The following SFTPA1 variants were observed in gnomAD, a reference collection of about 807,000 sequenced individuals.
SFTPA1 encodes surfactant protein A1, also known as pulmonary surfactant-associated protein A1.
A neutral mutation model predicts 19.1 loss-of-function variants in SFTPA1; 13 were observed. The ratio of observed to expected loss-of-function variants is 0.68; its 90% CI spans 0.44 to 1.08. The LOEUF is 1.08. Ranked by LOEUF, SFTPA1 falls within the 50% of genes least tolerant of loss-of-function variation. The pLI, the probability that SFTPA1 is intolerant of heterozygous loss-of-function variation, is 0.00. For synonymous variants in SFTPA1, 101 were observed against 117.0 expected (o/e 0.86, Z 0.88); for missense variants, 259 against 316.4 (o/e 0.82, Z 1.38).
chr10:79,614,395 T>G lies in SFTPA1; in HGVS notation c.*282T>G. On this transcript the variant is annotated 3_prime_UTR_variant, in exon 6 of 6. Transcript: ENST00000398636. The stretch of plus-strand genomic sequence containing the variant: ...TCGACATGAGATGGAGCCCTCCTTA[T>G]TCCCCATCTGGTCCAGTTCCTTCAC... 7.6e-6 allele frequency: 4 copies of G among 527,192 alleles called. No individual in the cohort carries two copies. The highest frequency in any genetic ancestry group is 6.8e-5 in the East Asian group (2 of 29,500). 32.7% of individuals were successfully genotyped at this position (527,192 alleles called of 1,614,324 possible).
chr10:79,611,992 C>T lies in SFTPA1; in HGVS notation c.167C>T (p.Pro56Leu). ...GATGGTCTCAAAGGAGACCCTGGCC[C>T]TCCAGGTACTGTGCTGCAGACCCCA... The part of the protein sequence containing the change: ...GRDGLKGDPG[P>L]PGPMGPPGEM... Residue 56 changes from proline (P) to leucine (L), a missense_variant, in exon 3 of 6, where the codon CCT becomes CTT. Pro to Leu is a moderately conservative substitution (Grantham distance 98, BLOSUM62 -3). Transcript: ENST00000398636. 6.2e-7 allele frequency: 1 copy of T among 1,613,222 alleles called. No individual in the cohort carries two copies. The highest frequency in any genetic ancestry group is 8.5e-7 in the Non-Finnish European group (1 of 1,179,460).
rs546854035 is a variant in SFTPA1 at position 79,615,307 on chromosome 10, A to C, written c.*1194A>C. 1.2e-4 allele frequency: 36 copies of C among 311,988 alleles called. No homozygotes were observed. Among genetic ancestry groups the C allele is most frequent in the Admixed American group, 4.8e-4 (10 of 20,914 alleles). 19.3% of individuals were successfully genotyped at this position (311,988 alleles called of 1,614,324 possible). ...AAGCTTGGAGGAGTTAAATGTTTTG[A>C]GTATTATTCCAGAGAGCAAGTGGCA... On this transcript the variant is annotated 3_prime_UTR_variant, in exon 6 of 6. Transcript: ENST00000398636.
At chr10:79,613,040 T>G (rs1610803) in intron 4 of SFTPA1, 149 bp from the exon 5 acceptor site, 2 of 1,513,540 alleles carry the variant, frequency 1.3e-6, no homozygotes, top group Non-Finnish European at 1.8e-6. Flanking sequence ...ACTGGAATCT[T>G]GTGGACCCTC....
chr10:79,610,954 A>G lies in SFTPA1; in HGVS notation c.-123A>G, dbSNP rs914884042. Reference sequence around the variant, plus strand: ...CTTACCCTCTGACTTGGAGGCAGAGACCCAAGCAGCTGGAGGCTCTGTGTG... The same window carrying G: ...CTTACCCTCTGACTTGGAGGCAGAGGCCCAAGCAGCTGGAGGCTCTGTGTG... On this transcript the variant is annotated 5_prime_UTR_variant, in exon 1 of 6. Transcript: ENST00000398636. The G allele has an allele frequency of 6.6e-6, 1 of 152,340 alleles. No homozygotes were observed. The highest frequency in any genetic ancestry group is 2.4e-5 in the African/African-American group (1 of 41,444). 9.4% of individuals were successfully genotyped at this position (152,340 alleles called of 1,614,324 possible).
rs1308252898 is a variant in SFTPA1 at position 79,612,293 on chromosome 10, A to G, written c.173-19A>G. ...TGTGGGTGACAGATCCTACACATCCATGTCTCTTTTCTCTGCAGGCCCCAT... is the reference window on the plus strand; with the variant it reads ...TGTGGGTGACAGATCCTACACATCCGTGTCTCTTTTCTCTGCAGGCCCCAT... On this transcript the variant is annotated intron_variant, in intron 3 of 5. Coordinates refer to ENST00000398636, the MANE Select transcript of SFTPA1 (RefSeq NM_005411.5). 2 of 1,613,702 alleles carry G rather than the reference A, an allele frequency of 1.2e-6. No homozygotes were observed. The highest frequency in any genetic ancestry group is 1.7e-6 in the Non-Finnish European group (2 of 1,179,800).
Position 79,615,204 on chromosome 10 carries a change from C to T in SFTPA1, c.*1091C>T, listed in dbSNP as rs1860093628. On this transcript the variant is annotated 3_prime_UTR_variant, in exon 6 of 6. Coordinates refer to ENST00000398636, the MANE Select transcript of SFTPA1 (RefSeq NM_005411.5). ...AGAACCTTGACAAGCACTTCTAATA[C>T]AGCATATTATGTACTATTCAATCTT... 1.5e-6 allele frequency: 1 copy of T among 672,404 alleles called. No individual in the cohort carries two copies. Among genetic ancestry groups the T allele is most frequent in the Non-Finnish European group, 2.3e-6 (1 of 444,382 alleles). 41.7% of individuals were successfully genotyped at this position (672,404 alleles called of 1,614,324 possible). A position where few individuals can be genotyped will look rare whatever the true frequency, so the allele number is the denominator to read the frequency against.
chr10:79,612,542 T>C, intron 4 of SFTPA1, 111 bp downstream of exon 4: 1 of 1,537,686 alleles, frequency 6.5e-7, no homozygotes, highest in South Asian at 1.2e-5. Flanking sequence ...CCAAGGGCAT[T>C]TGGCTCAACC....
rs1179999159 is a variant in SFTPA1 at position 79,614,239 on chromosome 10, G to A, written c.*126G>A. 79 of 1,511,862 alleles carry A rather than the reference G, an allele frequency of 5.2e-5. No individual in the cohort carries two copies. The highest frequency in any genetic ancestry group is 6.6e-5 in the Non-Finnish European group (73 of 1,105,358). The allele number at this position is 1,511,862 out of a possible 1,614,324, so 93.7% of individuals were successfully genotyped here. A position where few individuals can be genotyped will look rare whatever the true frequency, so the allele number is the denominator to read the frequency against. On this transcript the variant is annotated 3_prime_UTR_variant, in exon 6 of 6. Transcript: ENST00000398636. Reference sequence around the variant, plus strand: ...GAATTCACTTGTGGCTATTGGGACTGGAGGCACCCTTAGCCACTTCATTCC... The same window carrying A: ...GAATTCACTTGTGGCTATTGGGACTAGAGGCACCCTTAGCCACTTCATTCC...
At position 79,611,424 on chromosome 10, in the gene SFTPA1, G is replaced by T. The variant is rs1589238417; in HGVS notation, c.-24+35G>T. The T allele has an allele frequency of 2.6e-5, 18 of 702,004 alleles. No individual in the cohort carries two copies. In the East Asian group the frequency reaches 4.6e-4, roughly 18 times the overall value. 43.5% of individuals were successfully genotyped at this position (702,004 alleles called of 1,614,324 possible). The stretch of plus-strand genomic sequence containing the variant: ...CTGACTAATAGCCTGGGAGGGACAG[G>T]GCAGGTTTTCTGCAGAGCACGGAAG... On this transcript the variant is annotated intron_variant, in intron 2 of 5. Coordinates refer to ENST00000398636, the MANE Select transcript of SFTPA1 (RefSeq NM_005411.5).
chr10:79,611,970 G>A lies in SFTPA1; in HGVS notation c.145G>A (p.Gly49Ser). Residue 49 changes from glycine to serine, a missense_variant, in exon 3 of 6, where the codon GGT (glycine) becomes AGT (serine). Gly to Ser is a moderately conservative substitution (Grantham distance 56). Coordinates refer to ENST00000398636, the MANE Select transcript of SFTPA1 (RefSeq NM_005411.5). ...HGLPGRDGRD[G>S]LKGDPGPPGP... ...CCTGCCAGGCAGGGACGGGAGAGAT[G>A]GTCTCAAAGGAGACCCTGGCCCTCC... is the stretch of plus-strand genomic sequence containing the variant. The A allele has an allele frequency of 6.2e-7, 1 of 1,613,352 alleles. No homozygotes were observed. The highest frequency in any genetic ancestry group is 1.1e-5 in the South Asian group (1 of 91,036).
At position 79,612,363 on chromosome 10, in the gene SFTPA1, T is replaced by G. The variant is rs183023205; in HGVS notation, c.224T>G (p.Leu75Arg). 2 of 1,613,782 alleles carry G rather than the reference T, an allele frequency of 1.2e-6. No homozygotes were observed. Among genetic ancestry groups the G allele is most frequent in the Admixed American group, 3.3e-5 (2 of 60,004 alleles). The change falls in exon 4 of 6, where the codon CTG becomes CGG. Residue 75 changes from leucine (L) to arginine (R), a missense_variant. Leu to Arg is a moderately radical substitution (Grantham distance 102). Transcript: ENST00000398636. ...EMPCPPGNDG[L>R]PGAPGIPGEC... ...CCATGTCCTCCTGGAAATGATGGGC[T>G]GCCTGGAGCCCCTGGTATCCCTGGA...
At chr10:79,612,578 G>A (rs1859922978) in intron 4 of SFTPA1, 147 bp downstream of exon 4, 3 of 1,335,710 alleles carry the variant, frequency 2.2e-6, no homozygotes, top group Non-Finnish European at 3.1e-6. Context: ...AAGCTTGAGG[G>A]AGAAAGCTGA....
At position 79,614,328 on chromosome 10, in the gene SFTPA1, T is replaced by C; in HGVS notation, c.*215T>C. On this transcript the variant is annotated 3_prime_UTR_variant, in exon 6 of 6. Coordinates refer to ENST00000398636, the MANE Select transcript of SFTPA1 (RefSeq NM_005411.5). Reference sequence around the variant, plus strand: ...GCCTTGACACTCCCCTTGCAAACTCTCCCAGCACTGCACCCCAGGCAGCCA... The same window carrying C: ...GCCTTGACACTCCCCTTGCAAACTCCCCCAGCACTGCACCCCAGGCAGCCA... The C allele has an allele frequency of 6.8e-6, 5 of 736,210 alleles. No individual in the cohort carries two copies. The highest frequency in any genetic ancestry group is 1.1e-5 in the Non-Finnish European group (5 of 462,062). 45.6% of individuals were successfully genotyped at this position (736,210 alleles called of 1,614,324 possible).
chr10:79,611,319 G>T lies in SFTPA1; in HGVS notation c.-94G>T, dbSNP rs1011808212. The T allele has an allele frequency of 2.6e-6, 1 of 382,700 alleles. No homozygotes were observed. Among genetic ancestry groups the T allele is most frequent in the Middle Eastern group, 3.3e-4 (1 of 3,044 alleles). 23.7% of individuals were successfully genotyped at this position (382,700 alleles called of 1,614,324 possible). On this transcript the variant is annotated splice_region_variant and 5_prime_UTR_variant, in exon 2 of 6. Transcript: ENST00000398636. ...CCCGTTCATCTTTTTTCATTCTCAG[G>T]TCGCTGATTTCTTGGAGCCTGAAAA...
chr10:79,612,388 A>T lies in SFTPA1; in HGVS notation c.249A>T (p.Gly83=). 1.9e-6 allele frequency: 3 copies of T among 1,613,630 alleles called. No individual in the cohort carries two copies. The highest frequency in any genetic ancestry group is 2.5e-6 in the Non-Finnish European group (3 of 1,179,806). Residue 83 remains glycine, a synonymous_variant, in exon 4 of 6, where the codon GGA becomes GGT. Coordinates refer to ENST00000398636, the MANE Select transcript of SFTPA1 (RefSeq NM_005411.5). The stretch of plus-strand genomic sequence containing the variant: ...TGCCTGGAGCCCCTGGTATCCCTGG[A>T]GAGTGTGGAGAGAAGGGGGAGCCTG... ...DGLPGAPGIP[G]ECGEKGEPGE...
Position 79,614,993 on chromosome 10 carries a change from TG to T in SFTPA1, c.*884del. 1 of 1,305,142 alleles carries T rather than the reference TG, an allele frequency of 7.7e-7. No homozygotes were observed. Among genetic ancestry groups the T allele is most frequent in the Non-Finnish European group, 1.0e-6 (1 of 988,766 alleles). 80.8% of individuals were successfully genotyped at this position (1,305,142 alleles called of 1,614,324 possible). A position where few individuals can be genotyped will look rare whatever the true frequency, so the allele number is the denominator to read the frequency against. Reference sequence around the variant, plus strand: ...ACGTGCCAGGTCTTAGGATATGTCGTGGGGTGGGCAAGGTAATCAGTGACAG... The same window carrying T: ...ACGTGCCAGGTCTTAGGATATGTCGTGGGTGGGCAAGGTAATCAGTGACAG... On this transcript the variant is annotated 3_prime_UTR_variant, in exon 6 of 6. Transcript: ENST00000398636.
At chr10:79,612,907 G>C (rs576093441) in intron 4 of SFTPA1, among the ~76,000 whole-genome samples, 1,142 of 38,014 alleles carry the variant, frequency 0.03, 21 homozygotes, top group African/African-American at 0.079. Context: ...AGAGGGACTT[G>C]CCCCACAGAG....
At chr10:79,612,535 A>G (rs1351500248) in intron 4 of SFTPA1, 104 bp downstream of exon 4, 1 of 1,556,612 alleles carries the variant, frequency 6.4e-7, no homozygotes, top group Non-Finnish European at 8.7e-7. Context: ...AGGTTCCCCA[A>G]GGGCATTTGG....
Position 79,613,261 on chromosome 10 carries a change from G to A in SFTPA1, c.365G>A (p.Arg122Lys). ...TTTAGACATCAAATCCTGCAGACAA[G>A]GGGAGGTAAGGGGACCCCCTGGGCC... ...HDFRHQILQT[R>K]GALSLQGSIM... Residue 122 changes from arginine to lysine, a missense_variant, in exon 5 of 6, where the codon AGG becomes AAG. Coordinates refer to ENST00000398636, the MANE Select transcript of SFTPA1 (RefSeq NM_005411.5). The A allele has an allele frequency of 6.2e-7, 1 of 1,614,092 alleles. No homozygotes were observed. Among genetic ancestry groups the A allele is most frequent in the South Asian group, 1.1e-5 (1 of 91,072 alleles).
Sources: allele counts gnomAD v4.1 joint callset (sites outside exome capture counted in the v4.1 genomes callset), GRCh38; gene constraint gnomAD v4.1.1; transcripts MANE v1.5; gene names NCBI Gene and HGNC (gene_info 2026-07-23, HGNC 2026-07-21).